LRRTM4: variants seen among roughly 807,000 people sequenced by gnomAD.
LRRTM4 encodes leucine-rich repeat transmembrane neuronal protein 4.
Under a neutral mutation model 47.6 loss-of-function variants are expected in LRRTM4, and 25 were observed. The ratio of observed to expected loss-of-function variants is 0.53; its 90% confidence interval spans 0.38 to 0.73. The LOEUF (loss-of-function observed/expected upper bound fraction) is 0.73, where lower values mean the gene tolerates loss of function less well. Among genes scored for constraint, LRRTM4 ranks in the 30% least tolerant of loss-of-function variants. The probability of loss-of-function intolerance (pLI) is 0.00; values close to 1 mark genes in which losing one functional copy is unlikely to be tolerated. For missense variants in LRRTM4, 638 were observed against 713.4 expected, an observed-to-expected ratio of 0.89 and a Z score of 1.20; for synonymous variants, 311 against 269.5, an observed-to-expected ratio of 1.15 and a Z score of -1.51.
chr2:77,276,504 T>A (rs1676358883), intron 3 of LRRTM4, among the ~76,000 whole-genome samples: 3 of 148,542 alleles, frequency 2.0e-5, no homozygotes, highest in Admixed American at 6.7e-5. Context: ...GTGATATATA[T>A]AATATATATA....
chr2:76,953,405 C>T lies in LRRTM4; in HGVS notation c.1552-204489G>A, dbSNP rs141002628. ...AGTTGCTTTGAAACGGGCAAAAATGCTATTTTATTTCAAACAAGAGAGCAC... is the reference window on the plus strand; with the variant it reads ...AGTTGCTTTGAAACGGGCAAAAATGTTATTTTATTTCAAACAAGAGAGCAC... On this transcript the variant is annotated intron_variant, in intron 3 of 3. Coordinates refer to ENST00000409884, the MANE Select transcript of LRRTM4 (RefSeq NM_001134745.3). 1.8e-4 allele frequency among the ~76,000 whole-genome samples: 27 copies of T among 151,978 alleles called. No individual in the cohort carries two copies. The East Asian group carries it at 4.3e-3, about 24-fold the overall frequency.
intron 3 of LRRTM4, among the ~76,000 whole-genome samples, chr2:77,137,152 G>A (rs1011139689): frequency 6.6e-6 from 1 of 151,680 alleles, no homozygotes; most frequent in African/African-American, 2.4e-5. Flanking sequence ...CTCAAGAAGA[G>A]CAACTCCAAG....
chr2:77,255,996 A>G (rs60829735), intron 3 of LRRTM4, among the ~76,000 whole-genome samples: 18,709 of 152,064 alleles, frequency 0.12, 3,862 homozygotes, highest in African/African-American at 0.42. Flanking sequence ...TCTTTGAGAA[A>G]ACTGATAAAA....
chr2:77,225,199 A>C (rs1248236706), intron 3 of LRRTM4, among the ~76,000 whole-genome samples: 1 of 115,162 alleles, frequency 8.7e-6, no homozygotes, highest in South Asian at 3.1e-4. Context: ...AACATCACAC[A>C]CCGGGGACTG....
chr2:76,997,082 T>C (rs1306723578), intron 3 of LRRTM4, among the ~76,000 whole-genome samples: 1 of 152,142 alleles, frequency 6.6e-6, no homozygotes, highest in African/African-American at 2.4e-5. Context: ...TAGATAGCTT[T>C]CTCAGAATGT....
intron 3 of LRRTM4, among the ~76,000 whole-genome samples, chr2:77,463,022 A>T (rs1357598589): frequency 1.3e-5 from 2 of 152,086 alleles, no homozygotes; most frequent in African/African-American, 2.4e-5. Flanking sequence ...TAAATATAGT[A>T]TGCCTTGATT....
rs374251713 is a variant in LRRTM4 at position 77,337,946 on chromosome 2, C to A, written c.1551+180372G>T. On this transcript the variant is annotated intron_variant, in intron 3 of 3. Coordinates refer to ENST00000409884, the MANE Select transcript of LRRTM4 (RefSeq NM_001134745.3). ...ACCCAGAAATAAAGCTGCCAACATA[C>A]AGCCATCTGATCTTCAACAAAGTTG... 5.0e-4 allele frequency among the ~76,000 whole-genome samples: 76 copies of A among 152,220 alleles called. 1 individual carries two copies. In the South Asian group the frequency reaches 0.016, roughly 31 times the overall value.
intron 3 of LRRTM4, among the ~76,000 whole-genome samples, chr2:76,976,418 A>T (rs1487760035): frequency 6.6e-6 from 1 of 151,844 alleles, no homozygotes; most frequent in African/African-American, 2.4e-5. Context: ...TCATTAAAAA[A>T]AATAAACCAA....
chr2:77,102,004 G>C (rs564429239), intron 3 of LRRTM4, among the ~76,000 whole-genome samples: 2 of 152,140 alleles, frequency 1.3e-5, no homozygotes, highest in African/African-American at 4.8e-5. Context: ...GGAACTAAGC[G>C]GATATTGCAG....
intron 3 of LRRTM4, among the ~76,000 whole-genome samples, chr2:77,165,583 C>T (rs560390543): frequency 5.3e-5 from 8 of 152,236 alleles, no homozygotes; most frequent in Non-Finnish European, 1.0e-4. Context: ...AAACTGAATC[C>T]AGCAGCACAT....
chr2:77,083,250 A>G (rs1374577314), intron 3 of LRRTM4, among the ~76,000 whole-genome samples: 1 of 152,164 alleles, frequency 6.6e-6, no homozygotes, highest in East Asian at 1.9e-4. Context: ...CAGTTTTCTG[A>G]TCAGCTATTC....
At chr2:77,129,734 G>A (rs2103972510) in intron 3 of LRRTM4, among the ~76,000 whole-genome samples, 1 of 152,282 alleles carries the variant, frequency 6.6e-6, no homozygotes, top group Admixed American at 6.5e-5. Context: ...CATTCATCCT[G>A]TTTCAGACCC....
At chr2:77,282,949 C>T (rs1232993081) in intron 3 of LRRTM4, among the ~76,000 whole-genome samples, 3 of 151,848 alleles carry the variant, frequency 2.0e-5, no homozygotes, top group African/African-American at 4.8e-5. Context: ...GGATTTATGA[C>T]TAGGTCCTCA....
intron 3 of LRRTM4, among the ~76,000 whole-genome samples, chr2:77,181,189 G>C (rs929862324): frequency 1.3e-5 from 2 of 152,130 alleles, no homozygotes; most frequent in Admixed American, 1.3e-4. Flanking sequence ...GTCAGGGTCT[G>C]TGACTGGCTG....
At chr2:77,261,956 T>G (rs193030658) in intron 3 of LRRTM4, among the ~76,000 whole-genome samples, 126 of 151,688 alleles carry the variant, frequency 8.3e-4, no homozygotes, top group African/African-American at 2.9e-3. Context: ...AAGCTTCCTC[T>G]GTATTTACAG....
intron 3 of LRRTM4, among the ~76,000 whole-genome samples, chr2:77,014,256 G>C (rs576653583): frequency 6.6e-6 from 1 of 152,226 alleles, no homozygotes; most frequent in South Asian, 2.1e-4. Flanking sequence ...ATGGTGAAAG[G>C]AATAGGCCAG....
At chr2:77,451,358 G>A (rs1676247727) in intron 3 of LRRTM4, among the ~76,000 whole-genome samples, 1 of 152,088 alleles carries the variant, frequency 6.6e-6, no homozygotes, top group Admixed American at 6.5e-5. Flanking sequence ...AGTATCTGTT[G>A]ATTGATTTTT....
chr2:76,843,594 G>A (rs1018912116), intron 3 of LRRTM4, among the ~76,000 whole-genome samples: 7 of 152,138 alleles, frequency 4.6e-5, no homozygotes, highest in African/African-American at 1.7e-4. Context: ...TCTGGTAATA[G>A]TGTGACTATG....
chr2:77,141,875 A>G (rs997423550), intron 3 of LRRTM4, among the ~76,000 whole-genome samples: 1 of 152,178 alleles, frequency 6.6e-6, no homozygotes, highest in Admixed American at 6.5e-5. Context: ...ACACTCACAG[A>G]AATTACATCA....
Sources: allele counts gnomAD v4.1 joint callset (sites outside exome capture counted in the v4.1 genomes callset), GRCh38; gene constraint gnomAD v4.1.1; transcripts MANE v1.5; gene names NCBI Gene and HGNC (gene_info 2026-07-23, HGNC 2026-07-21).